The following AUTS2 variants were observed in gnomAD, a reference collection of about 807,000 sequenced individuals.
AUTS2 encodes autism susceptibility gene 2 protein.
A neutral mutation model predicts 112.4 loss-of-function variants in AUTS2; 17 were observed. The ratio of observed to expected loss-of-function variants is 0.15; its 90% CI spans 0.10 to 0.23. The LOEUF is 0.23. Ranked by LOEUF, AUTS2 falls within the 10% of genes least tolerant of loss-of-function variation. The probability of loss-of-function intolerance (pLI) is 1.00; values close to 1 mark genes in which losing one functional copy is unlikely to be tolerated. For synonymous variants in AUTS2, 751 were observed against 702.7 expected (o/e 1.07, Z -1.09); for missense variants, 1,510 against 1,701.6 (o/e 0.89, Z 1.98).
In AUTS2 at chr7:70,420,432, T is replaced by G. The variant is rs559717645; in HGVS notation, c.661-15320T>G. ...ACAGAGCAGCAGAGGCCATCCATAC[T>G]GATGTCTTAATATCATTCTCTCCTT... On this transcript the variant is annotated intron_variant, in intron 4 of 18. Coordinates refer to ENST00000342771, the MANE Select transcript of AUTS2 (RefSeq NM_015570.4). Among the ~76,000 whole-genome samples, 8 of 152,320 alleles carry G rather than the reference T, an allele frequency of 5.3e-5. No homozygotes were observed. The South Asian group carries it at 1.7e-3, about 32-fold the overall frequency.
intron 15 of AUTS2, 168 bp from the exon 16 acceptor site, chr7:70,784,753 AAAAAAAAAAAAAAAAAAAAAC>A (rs1791323968): frequency 7.2e-6 from 1 of 137,980 alleles, no homozygotes; most frequent in African/African-American, 3.8e-5. Context: ...AAAAAAAAAA[AAAAAAAAAAAAAAAAAAAAAC>A]ACACATTTTC....
chr7:70,376,960 C>CATCT (rs1027894918), intron 4 of AUTS2, among the ~76,000 whole-genome samples: 2 of 151,690 alleles, frequency 1.3e-5, no homozygotes, highest in African/African-American at 4.8e-5. Context: ...TGACCCAAGA[C>CATCT]ATCTGGCCTA....
chr7:69,836,270 C>T (rs1172242456), intron 1 of AUTS2, among the ~76,000 whole-genome samples: 2 of 152,144 alleles, frequency 1.3e-5, no homozygotes, highest in African/African-American at 2.4e-5. Context: ...ATGAGTGATA[C>T]ATGTGATGTC....
At chr7:69,657,578 G>A (rs1014235983) in intron 1 of AUTS2, among the ~76,000 whole-genome samples, 1 of 152,148 alleles carries the variant, frequency 6.6e-6, no homozygotes, top group African/African-American at 2.4e-5. Context: ...TAATTAAAAA[G>A]GATGTTTCAG....
At chr7:69,630,091 C>T (rs1044183866) in intron 1 of AUTS2, among the ~76,000 whole-genome samples, 3 of 151,994 alleles carry the variant, frequency 2.0e-5, no homozygotes, top group African/African-American at 7.2e-5. Context: ...AACCCTGTCT[C>T]TACTAAAATA....
chr7:70,653,211 C>A (rs1806601322), intron 5 of AUTS2, among the ~76,000 whole-genome samples: 1 of 152,186 alleles, frequency 6.6e-6, no homozygotes, highest in African/African-American at 2.4e-5. Flanking sequence ...CACTGCACTC[C>A]AGCTTGGGCA....
rs181869094 is a variant in AUTS2, at chr7:70,520,928, A to G, written c.690+85147A>G. Reference sequence around the variant, plus strand: ...TGTTTCCCCCACGCTTGGAGAAACAATCTTTCTGGTGCTTCCTTTCATTTT... The same window carrying G: ...TGTTTCCCCCACGCTTGGAGAAACAGTCTTTCTGGTGCTTCCTTTCATTTT... On this transcript the variant is annotated intron_variant, in intron 5 of 18. Coordinates refer to ENST00000342771, the MANE Select transcript of AUTS2 (RefSeq NM_015570.4). 2.0e-5 allele frequency among the ~76,000 whole-genome samples: 3 copies of G among 152,276 alleles called. No homozygotes were observed. The East Asian group carries it at 5.8e-4, about 29-fold the overall frequency.
At chr7:70,357,848 G>A (rs955800158) in intron 4 of AUTS2, among the ~76,000 whole-genome samples, 8 of 152,158 alleles carry the variant, frequency 5.3e-5, no homozygotes, top group African/African-American at 1.9e-4. Context: ...GTTATGCATC[G>A]TCATTAAATT....
intron 5 of AUTS2, among the ~76,000 whole-genome samples, chr7:70,462,654 T>A (rs766159823): frequency 1.3e-5 from 2 of 152,086 alleles, no homozygotes; most frequent in South Asian, 2.1e-4. Flanking sequence ...CCACTGGATG[T>A]TGCCACTAAA....
At chr7:70,617,926 G>T (rs1446365562) in intron 5 of AUTS2, among the ~76,000 whole-genome samples, 2 of 152,068 alleles carry the variant, frequency 1.3e-5, no homozygotes, top group African/African-American at 4.8e-5. Context: ...CGCTACTTTT[G>T]CCCAGTATTT....
At chr7:70,659,067 G>A (rs568803620) in intron 5 of AUTS2, among the ~76,000 whole-genome samples, 33 of 152,270 alleles carry the variant, frequency 2.2e-4, no homozygotes, top group African/African-American at 6.3e-4. Flanking sequence ...GGCGGGCCAC[G>A]GGGGTTGTTG....
intron 1 of AUTS2, among the ~76,000 whole-genome samples, chr7:69,814,581 C>A (rs1031504816): frequency 7.2e-5 from 11 of 152,236 alleles, no homozygotes; most frequent in Non-Finnish European, 1.3e-4. Context: ...AGTCTGGAGC[C>A]GCTCTAACCC....
intron 14 of AUTS2, 99 bp from the exon 15 acceptor site, chr7:70,781,516 C>G: frequency 7.1e-7 from 1 of 1,406,408 alleles, no homozygotes; most frequent in Non-Finnish European, 9.6e-7. Context: ...AAACTTGAAC[C>G]CAAGTGCACC....
At chr7:69,839,315 A>C (rs1272232780) in intron 1 of AUTS2, among the ~76,000 whole-genome samples, 1 of 152,020 alleles carries the variant, frequency 6.6e-6, no homozygotes, top group African/African-American at 2.4e-5. Flanking sequence ...TTTCTCACTC[A>C]CTAGTCTGTG....
At chr7:69,626,301 T>C (rs1793942132) in intron 1 of AUTS2, among the ~76,000 whole-genome samples, 1 of 152,242 alleles carries the variant, frequency 6.6e-6, no homozygotes, top group East Asian at 1.9e-4. Context: ...GTTCACTGTA[T>C]TCTTTCCTGG....
At chr7:70,253,358 C>T (rs1366154577) in intron 4 of AUTS2, among the ~76,000 whole-genome samples, 1 of 152,108 alleles carries the variant, frequency 6.6e-6, no homozygotes, top group Non-Finnish European at 1.5e-5. Flanking sequence ...GACTGTTATT[C>T]TTCTTGAGAC....
chr7:70,550,184 C>G (rs1800961457), intron 5 of AUTS2, among the ~76,000 whole-genome samples: 1 of 152,156 alleles, frequency 6.6e-6, no homozygotes, highest in Non-Finnish European at 1.5e-5. Flanking sequence ...CAGTGGAAGG[C>G]AACTCCCCAG....
chr7:69,607,470 CATT>C (rs1467241752), intron 1 of AUTS2, among the ~76,000 whole-genome samples: 1 of 152,098 alleles, frequency 6.6e-6, no homozygotes, highest in Non-Finnish European at 1.5e-5. Context: ...TTTTAAATTT[CATT>C]ATTTGAACTG....
At chr7:70,506,194 T>C (rs1798953802) in intron 5 of AUTS2, among the ~76,000 whole-genome samples, 1 of 152,120 alleles carries the variant, frequency 6.6e-6, no homozygotes, top group Admixed American at 6.5e-5. Context: ...GGTAGAAGAT[T>C]TCCCCAGATT....
Sources: gnomAD v4.1 joint callset for allele counts (sites outside exome capture counted in the v4.1 genomes callset) on GRCh38, gnomAD v4.1.1 for gene constraint, MANE v1.5 for transcripts, NCBI Gene and HGNC (gene_info 2026-07-23, HGNC 2026-07-21) for gene names.